The following ZNF566 variants were observed in gnomAD, a reference collection of about 807,000 sequenced individuals.
The protein encoded by ZNF566 is zinc finger protein 566.
A neutral mutation model predicts 32.8 loss-of-function variants in ZNF566; 27 were observed. The observed-to-expected ratio is 0.82, with a 90% CI of 0.61 to 1.14. The LOEUF is 1.14. Among genes scored for constraint, ZNF566 ranks in the 50% most tolerant of loss-of-function variants. The probability of loss-of-function intolerance (pLI) is 0.00; values close to 1 mark genes in which losing one functional copy is unlikely to be tolerated. For synonymous variants in ZNF566, 154 were observed against 159.5 expected (o/e 0.97, Z 0.26); for missense variants, 402 against 490.4 (o/e 0.82, Z 1.70).
intron 4 of ZNF566, among the ~76,000 whole-genome samples, chr19:36,455,839 G>T (rs2033291979): frequency 6.6e-6 from 1 of 152,002 alleles, no homozygotes; most frequent in Non-Finnish European, 1.5e-5. Flanking sequence ...AGGAGATCGA[G>T]ACCATCCTGG....
chr19:36,460,005 A>C (rs1167688778), intron 4 of ZNF566, among the ~76,000 whole-genome samples: 1 of 149,172 alleles, frequency 6.7e-6, no homozygotes. Flanking sequence ...CGAGGTTTCA[A>C]CACGTTGGCC....
chr19:36,462,629 CA>C (rs1439591384), intron 4 of ZNF566, among the ~76,000 whole-genome samples: 1 of 151,806 alleles, frequency 6.6e-6, no homozygotes, highest in Non-Finnish European at 1.5e-5. Flanking sequence ...CATGCAAAAA[CA>C]GGGGGGAAAA....
chr19:36,482,919 A>G lies in ZNF566; in HGVS notation c.-59-6303T>C, dbSNP rs527244760. Among the ~76,000 whole-genome samples the G allele has an allele frequency of 4.0e-4, 61 of 152,328 alleles. No individual in the cohort carries two copies. The East Asian group carries it at 0.011, about 28-fold the overall frequency. On this transcript the variant is annotated intron_variant, in intron 1 of 4. Coordinates refer to ENST00000452939, the MANE Select transcript of ZNF566 (RefSeq NM_001145344.1). The stretch of plus-strand genomic sequence containing the variant: ...CAGAGTCGGTCTCCTTCTACAGCAA[A>G]GGGTAGGCATTCTAACTATCCATTA...
At position 36,448,776 on chromosome 19, in the gene ZNF566, G is replaced by C; in HGVS notation, c.*201C>G. Reference sequence around the variant, plus strand: ...ACTGAATTATCTGATGTCAAGAGAAGTAAGCGTTTAGTTAAGGGCTTCCAA... The same window carrying C: ...ACTGAATTATCTGATGTCAAGAGAACTAAGCGTTTAGTTAAGGGCTTCCAA... On this transcript the variant is annotated 3_prime_UTR_variant, in exon 5 of 5. Transcript: ENST00000452939. 1 of 463,488 alleles carries C rather than the reference G, an allele frequency of 2.2e-6. No homozygotes were observed. The highest frequency in any genetic ancestry group is 3.7e-6 in the Non-Finnish European group (1 of 267,844). The allele number at this position is 463,488 out of a possible 1,614,324, so 28.7% of individuals were successfully genotyped here.
At chr19:36,461,990 G>GTTT (rs34181356) in intron 4 of ZNF566, among the ~76,000 whole-genome samples, 10 of 138,646 alleles carry the variant, frequency 7.2e-5, no homozygotes, top group Non-Finnish European at 1.1e-4. Context: ...TGAACTTTGG[G>GTTT]TTTTTTTTTT....
At chr19:36,473,125 C>A (rs989161400) in intron 3 of ZNF566, 119 bp from the exon 4 acceptor site, 11 of 1,109,100 alleles carry the variant, frequency 9.9e-6, no homozygotes, top group Non-Finnish European at 1.4e-5. Flanking sequence ...AGAGGTACAA[C>A]GGACTTATGA....
intron 2 of ZNF566, among the ~76,000 whole-genome samples, chr19:36,475,437 C>T (rs2033861100): frequency 1.3e-5 from 2 of 152,120 alleles, no homozygotes; most frequent in South Asian, 2.1e-4. Context: ...AACCAGGAGA[C>T]CTTGCCATGT....
chr19:36,458,547 C>T (rs1166144652), intron 4 of ZNF566, among the ~76,000 whole-genome samples: 1 of 151,994 alleles, frequency 6.6e-6, no homozygotes, highest in Non-Finnish European at 1.5e-5. Context: ...TCTAGTTACT[C>T]AGAATAAAAA....
Position 36,475,239 on chromosome 19 carries a change from T to A in ZNF566, c.9+1310A>T, listed in dbSNP as rs534304738. 2.0e-5 allele frequency among the ~76,000 whole-genome samples: 3 copies of A among 151,170 alleles called. No homozygotes were observed. The South Asian group carries it at 6.3e-4, about 32-fold the overall frequency. Reference sequence around the variant, plus strand: ...TTTTGTATTTTTTGTAGAGATGGGGTTTGCCATGTTGCCCAGGCTAGTCAC... The same window carrying A: ...TTTTGTATTTTTTGTAGAGATGGGGATTGCCATGTTGCCCAGGCTAGTCAC... On this transcript the variant is annotated intron_variant, in intron 2 of 4. Transcript: ENST00000452939.
Position 36,489,511 on chromosome 19 carries a change from C to A in ZNF566, c.-85G>T, listed in dbSNP as rs2034257758. ...CAGCTTTCGAAGCAGCAGAACCCTC[C>A]CCGGCACTGGGGTAGTTGCTGGTAA... is the stretch of plus-strand genomic sequence containing the variant. On this transcript the variant is annotated 5_prime_UTR_variant, in exon 1 of 5. Coordinates refer to ENST00000452939, the MANE Select transcript of ZNF566 (RefSeq NM_001145344.1). The A allele has an allele frequency of 5.8e-6, 2 of 346,052 alleles. No individual in the cohort carries two copies. Among genetic ancestry groups the A allele is most frequent in the South Asian group, 4.4e-5 (2 of 45,720 alleles). The allele number at this position is 346,052 out of a possible 1,614,324, so 21.4% of individuals were successfully genotyped here. A position where few individuals can be genotyped will look rare whatever the true frequency, so the allele number is the denominator to read the frequency against.
chr19:36,477,977 G>C (rs1174504047), intron 1 of ZNF566, among the ~76,000 whole-genome samples: 1 of 151,984 alleles, frequency 6.6e-6, no homozygotes, highest in Non-Finnish European at 1.5e-5. Flanking sequence ...TTGCTTATTA[G>C]CTACAAGAAC....
intron 4 of ZNF566, among the ~76,000 whole-genome samples, chr19:36,454,555 AAAC>A (rs377525281): frequency 1.9e-4 from 29 of 152,280 alleles, no homozygotes; most frequent in African/African-American, 2.9e-4. Flanking sequence ...CTCATCTTTA[AAAC>A]AACAACAACA....
At chr19:36,458,855 A>T (rs1002536369) in intron 4 of ZNF566, among the ~76,000 whole-genome samples, 1 of 152,178 alleles carries the variant, frequency 6.6e-6, no homozygotes, top group Non-Finnish European at 1.5e-5. Context: ...GTAAATACAT[A>T]TAATTTTTCT....
chr19:36,480,618 T>C lies in ZNF566; in HGVS notation c.-59-4002A>G, dbSNP rs564799767. Among the ~76,000 whole-genome samples the C allele has an allele frequency of 9.6e-5, 10 of 104,380 alleles. 1 individual carries two copies. The South Asian group carries it at 2.8e-3, about 29-fold the overall frequency. 68.5% of individuals were successfully genotyped at this position (104,380 alleles called of 152,430 possible). On this transcript the variant is annotated intron_variant, in intron 1 of 4. Coordinates refer to ENST00000452939, the MANE Select transcript of ZNF566 (RefSeq NM_001145344.1). ...GTTTAGATGGGCAAGGACAATCTTT[T>C]CAATAAACAGTGCTGAAACAACTAG... is the stretch of plus-strand genomic sequence containing the variant.
chr19:36,479,047 G>A (rs571118327), intron 1 of ZNF566, among the ~76,000 whole-genome samples: 1 of 152,230 alleles, frequency 6.6e-6, no homozygotes, highest in South Asian at 2.1e-4. Flanking sequence ...TGATCCAGGG[G>A]TCTCATGTTT....
At chr19:36,483,679 A>C (rs960812925) in intron 1 of ZNF566, among the ~76,000 whole-genome samples, 1 of 152,204 alleles carries the variant, frequency 6.6e-6, no homozygotes, top group Non-Finnish European at 1.5e-5. Flanking sequence ...GAATAAACAA[A>C]TGGGGACAAA....
In ZNF566 at chr19:36,447,991, G is replaced by A. The variant is rs1331764987; in HGVS notation, c.*986C>T. The A allele has an allele frequency of 1.3e-5, 2 of 152,038 alleles. No individual in the cohort carries two copies. Among genetic ancestry groups the A allele is most frequent in the Non-Finnish European group, 2.9e-5 (2 of 67,988 alleles). 9.4% of individuals were successfully genotyped at this position (152,038 alleles called of 1,614,324 possible). A position where few individuals can be genotyped will look rare whatever the true frequency, so the allele number is the denominator to read the frequency against. On this transcript the variant is annotated 3_prime_UTR_variant, in exon 5 of 5. Coordinates refer to ENST00000452939, the MANE Select transcript of ZNF566 (RefSeq NM_001145344.1). Reference sequence around the variant, plus strand: ...TTTATCATGTCAGGCACAATTCTAAGCACTTTATCGATCTTAATTCATTTA... The same window carrying A: ...TTTATCATGTCAGGCACAATTCTAAACACTTTATCGATCTTAATTCATTTA...
At chr19:36,484,792 T>C (rs2034118462) in intron 1 of ZNF566, among the ~76,000 whole-genome samples, 2 of 152,022 alleles carry the variant, frequency 1.3e-5, no homozygotes, top group Admixed American at 6.6e-5. Context: ...GGTTTCACCG[T>C]GTTAGCCAGG....
Position 36,468,615 on chromosome 19 carries a change from A to G in ZNF566, c.232+4296T>C, listed in dbSNP as rs78975269. On this transcript the variant is annotated intron_variant, in intron 4 of 4. Transcript: ENST00000452939. Reference sequence around the variant, plus strand: ...GACTAGACTCTGTCTCAAAAAAACTAAAAAATTAGGCAGCTAGTTTGGGAG... The same window carrying G: ...GACTAGACTCTGTCTCAAAAAAACTGAAAAATTAGGCAGCTAGTTTGGGAG... Among the ~76,000 whole-genome samples the G allele has an allele frequency of 1.1e-3, 172 of 151,308 alleles. 4 individuals are homozygous for G. The East Asian group carries it at 0.02, about 18-fold the overall frequency.
Sources: allele counts gnomAD v4.1 joint callset (sites outside exome capture counted in the v4.1 genomes callset), GRCh38; gene constraint gnomAD v4.1.1; transcripts MANE v1.5; gene names NCBI Gene and HGNC (gene_info 2026-07-23, HGNC 2026-07-21).